GCNT2: variants seen among roughly 807,000 people sequenced by gnomAD.
The protein encoded by GCNT2 is glucosaminyl (N-acetyl) transferase 2 (I blood group).
Under a neutral mutation model 34.2 loss-of-function variants are expected in GCNT2, and 34 were observed. That is an observed-to-expected ratio of 1.00 (90% CI 0.76 to 1.32). The LOEUF (loss-of-function observed/expected upper bound fraction) is 1.32, where lower values mean the gene tolerates loss of function less well. Among genes scored for constraint, GCNT2 ranks in the 40% most tolerant of loss-of-function variants. GCNT2 has a pLI of 0.00. For synonymous variants in GCNT2, 212 were observed against 188.0 expected, an observed-to-expected ratio of 1.13 and a Z score of -1.04; for missense variants, 584 against 489.4, an observed-to-expected ratio of 1.19 and a Z score of -1.82.
At chr6:10,584,250 T>C (rs928809927) in intron 3 of GCNT2, among the ~76,000 whole-genome samples, 2 of 152,110 alleles carry the variant, frequency 1.3e-5, no homozygotes, top group Admixed American at 6.5e-5. Flanking sequence ...TAAGGAAAAG[T>C]GCTGGGCCTA....
rs761096313 is a variant in GCNT2 at position 10,529,720 on chromosome 6, C to A, written c.809C>A (p.Thr270Lys). ...TTTGGCACGGCCTACGTGGCTCTCACAAGGGACTTTGCTAACTTCGTCCTC... is the reference window on the plus strand; with the variant it reads ...TTTGGCACGGCCTACGTGGCTCTCAAAAGGGACTTTGCTAACTTCGTCCTC... The part of the protein sequence containing the change: ...IYFGTAYVAL[T>K]RDFANFVLQD... The change falls in exon 3 of 5, where the codon ACA (threonine) becomes AAA (lysine). Residue 270 changes from threonine (T) to lysine (K), a missense_variant. Transcript: ENST00000495262. 1.2e-5 allele frequency: 20 copies of A among 1,613,984 alleles called. No homozygotes were observed. The highest frequency in any genetic ancestry group is 1.7e-5 in the Non-Finnish European group (20 of 1,179,966).
chr6:10,625,844 A>AAGT (rs1202372982), intron 4 of GCNT2, among the ~76,000 whole-genome samples: 1 of 152,216 alleles, frequency 6.6e-6, no homozygotes, highest in African/African-American at 2.4e-5. Context: ...TTAATTTTTG[A>AAGT]AGTAGGCATA....
intron 3 of GCNT2, among the ~76,000 whole-genome samples, chr6:10,548,816 T>C (rs1762369385): frequency 6.6e-6 from 1 of 151,950 alleles, no homozygotes; most frequent in Non-Finnish European, 1.5e-5. Context: ...TGGAGTGCAA[T>C]GGCGTGATCT....
At position 10,628,102 on chromosome 6, in the gene GCNT2, G is replaced by A. The variant is rs1766344909; in HGVS notation, c.*1495G>A. The A allele has an allele frequency of 6.6e-6, 1 of 152,570 alleles. No homozygotes were observed. Among genetic ancestry groups the A allele is most frequent in the African/African-American group, 2.4e-5 (1 of 41,420 alleles). 9.5% of individuals were successfully genotyped at this position (152,570 alleles called of 1,614,324 possible). A position where few individuals can be genotyped will look rare whatever the true frequency, so the allele number is the denominator to read the frequency against. ...TGCTGGTCTTCTCAGTTCATTTCCTGAGGTGGATTTACTGAGAGAAGGTGA... is the reference window on the plus strand; with the variant it reads ...TGCTGGTCTTCTCAGTTCATTTCCTAAGGTGGATTTACTGAGAGAAGGTGA... On this transcript the variant is annotated 3_prime_UTR_variant, in exon 5 of 5. Transcript: ENST00000495262.
At chr6:10,569,015 A>T (rs1430576846) in intron 3 of GCNT2, among the ~76,000 whole-genome samples, 1 of 151,982 alleles carries the variant, frequency 6.6e-6, no homozygotes, top group Admixed American at 6.6e-5. Context: ...TATCATTATT[A>T]ATGTGAATAT....
At chr6:10,625,481 C>T (rs1465705651) in intron 4 of GCNT2, among the ~76,000 whole-genome samples, 2 of 151,864 alleles carry the variant, frequency 1.3e-5, no homozygotes, top group Non-Finnish European at 2.9e-5. Context: ...AACCCCCTCT[C>T]CCAGCAGGAA....
chr6:10,618,469 AAG>A (rs1250355525), intron 3 of GCNT2, among the ~76,000 whole-genome samples: 1 of 152,240 alleles, frequency 6.6e-6, no homozygotes, highest in African/African-American at 2.4e-5. Context: ...ATCAGTATTA[AAG>A]AGAATGAAAA....
intron 3 of GCNT2, among the ~76,000 whole-genome samples, chr6:10,538,269 A>G (rs887590862): frequency 2.0e-5 from 3 of 151,152 alleles, no homozygotes; most frequent in African/African-American, 7.3e-5. Flanking sequence ...TTAGCCAGGC[A>G]TGGTGGTGCA....
At chr6:10,538,426 AAAAAAAAAAAAATAT>A (rs1246649765) in intron 3 of GCNT2, among the ~76,000 whole-genome samples, 5 of 136,076 alleles carry the variant, frequency 3.7e-5, no homozygotes, top group African/African-American at 1.6e-4. Flanking sequence ...AAAAAAAAAA[AAAAAAAAAAAAATAT>A]ATATATATAT....
chr6:10,605,208 A>ATTTTTT lies in GCNT2; in HGVS notation c.926-16123_926-16118dup, dbSNP rs869167781. On this transcript the variant is annotated intron_variant, in intron 3 of 4. Transcript: ENST00000495262. ...AACCACATATTGCTTTCATGTAGGA[A>ATTTTTT]TTTTTTTTTTTTTTTTTTTTTTTTT... is the stretch of plus-strand genomic sequence containing the variant. 7.8e-3 allele frequency among the ~76,000 whole-genome samples: 734 copies of ATTTTTT among 94,190 alleles called. 46 individuals carry two copies. Among genetic ancestry groups the ATTTTTT allele is most frequent in the African/African-American group, 0.02 (447 of 22,576 alleles). 61.8% of individuals were successfully genotyped at this position (94,190 alleles called of 152,430 possible).
At position 10,567,842 on chromosome 6, in the gene GCNT2, C is replaced by T. The variant is rs558709566; in HGVS notation, c.925+38006C>T. 3.9e-5 allele frequency among the ~76,000 whole-genome samples: 6 copies of T among 152,304 alleles called. No individual in the cohort carries two copies. In the East Asian group the frequency reaches 7.7e-4, roughly 20 times the overall value. ...TATCATGGAGTTTTGACTTTGCCCTCGAACTCTCAGCCGAAACCTCAAGAT... is the reference window on the plus strand; with the variant it reads ...TATCATGGAGTTTTGACTTTGCCCTTGAACTCTCAGCCGAAACCTCAAGAT... On this transcript the variant is annotated intron_variant, in intron 3 of 4. Transcript: ENST00000495262.
chr6:10,532,346 A>G (rs1247209554), intron 3 of GCNT2, among the ~76,000 whole-genome samples: 1 of 152,254 alleles, frequency 6.6e-6, no homozygotes, highest in African/African-American at 2.4e-5. Context: ...CATGTTTTTC[A>G]GAAACTTAAC....
intron 3 of GCNT2, among the ~76,000 whole-genome samples, chr6:10,592,515 C>T (rs1764693372): frequency 6.6e-6 from 1 of 152,080 alleles, no homozygotes; most frequent in Non-Finnish European, 1.5e-5. Flanking sequence ...GTAGAGAAAC[C>T]TTAGGCAGGT....
intron 3 of GCNT2, among the ~76,000 whole-genome samples, chr6:10,570,823 C>A (rs1031238255): frequency 6.6e-6 from 1 of 152,206 alleles, no homozygotes; most frequent in African/African-American, 2.4e-5. Flanking sequence ...GAACTTGTCT[C>A]TGTCTGGTTT....
chr6:10,556,062 G>T, intron 3 of GCNT2: 1 of 1,162,218 alleles, frequency 8.6e-7, no homozygotes. Context: ...CATGGGAAAT[G>T]AAAGAAAGAG....
intron 3 of GCNT2, among the ~76,000 whole-genome samples, chr6:10,584,674 G>A (rs999100561): frequency 1.4e-4 from 22 of 152,186 alleles, no homozygotes; most frequent in Admixed American, 1.1e-3. Context: ...GGAGAATGGC[G>A]ATGACTTTTA....
At chr6:10,604,931 T>G (rs1016725814) in intron 3 of GCNT2, among the ~76,000 whole-genome samples, 3 of 151,928 alleles carry the variant, frequency 2.0e-5, no homozygotes, top group African/African-American at 4.8e-5. Context: ...AAGACTTCTA[T>G]GAAGAACAGG....
chr6:10,556,396 C>G (rs890713953), intron 3 of GCNT2: 3 of 1,612,998 alleles, frequency 1.9e-6, no homozygotes, highest in Non-Finnish European at 2.5e-6. Flanking sequence ...TTTTGACGGT[C>G]TCTTGACATT....
chr6:10,625,245 T>C (rs925555600), intron 4 of GCNT2, among the ~76,000 whole-genome samples: 3 of 152,206 alleles, frequency 2.0e-5, no homozygotes, highest in Non-Finnish European at 4.4e-5. Context: ...TCTTGGTTTC[T>C]AATGTACCTT....
Sources: allele counts gnomAD v4.1 joint callset (sites outside exome capture counted in the v4.1 genomes callset), GRCh38; gene constraint gnomAD v4.1.1; transcripts MANE v1.5; gene names NCBI Gene and HGNC (gene_info 2026-07-23, HGNC 2026-07-21).